CNTN3: variants seen among roughly 807,000 people sequenced by gnomAD.
The protein encoded by CNTN3 is contactin-3.
CNTN3 carries 60 observed loss-of-function variants against 119.1 expected under a neutral mutation model. The observed-to-expected ratio is 0.50, with a 90% CI of 0.41 to 0.62. The LOEUF is 0.62. Ranked by LOEUF, CNTN3 falls within the 20% of genes least tolerant of loss-of-function variation. CNTN3 has a pLI of 0.00. For synonymous variants in CNTN3, 450 were observed against 438.7 expected (o/e 1.03, Z -0.32); for missense variants, 1,101 against 1,242.4 (o/e 0.89, Z 1.71).
intron 5 of CNTN3, among the ~76,000 whole-genome samples, chr3:74,383,124 CA>C: frequency 6.6e-6 from 1 of 152,244 alleles, no homozygotes; most frequent in East Asian, 1.9e-4. Context: ...TGAAAATTAG[CA>C]AAAACATGAA....
chr3:74,515,998 C>T (rs1367335460), intron 2 of CNTN3, among the ~76,000 whole-genome samples: 4 of 151,918 alleles, frequency 2.6e-5, no homozygotes, highest in Admixed American at 6.6e-5. Flanking sequence ...TCTCTCTTAC[C>T]CACCACCAAG....
chr3:74,335,249 A>T (rs766920690), intron 12 of CNTN3, among the ~76,000 whole-genome samples: 1 of 151,626 alleles, frequency 6.6e-6, no homozygotes, highest in Non-Finnish European at 1.5e-5. Context: ...GTAGGGGTAG[A>T]AATAGAAAAT....
intron 4 of CNTN3, among the ~76,000 whole-genome samples, chr3:74,467,725 A>C (rs1327267987): frequency 6.6e-6 from 1 of 152,086 alleles, no homozygotes; most frequent in Non-Finnish European, 1.5e-5. Flanking sequence ...TGCTACCTTC[A>C]CCAGGCAACC....
intron 13 of CNTN3, among the ~76,000 whole-genome samples, chr3:74,322,881 AG>A (rs1367429893): frequency 1.3e-5 from 2 of 152,344 alleles, no homozygotes; most frequent in East Asian, 3.9e-4. Flanking sequence ...TAAGTGAAAG[AG>A]GCCCATTTGA....
intron 1 of CNTN3, among the ~76,000 whole-genome samples, chr3:74,609,384 C>G (rs979047280): frequency 1.3e-5 from 2 of 152,144 alleles, no homozygotes; most frequent in African/African-American, 4.8e-5. Flanking sequence ...GTACTTAAAA[C>G]CCAGCCTGGC....
intron 5 of CNTN3, among the ~76,000 whole-genome samples, chr3:74,413,829 A>G (rs1701476607): frequency 6.6e-6 from 1 of 152,200 alleles, no homozygotes; most frequent in South Asian, 2.1e-4. Context: ...GTTTTAAATA[A>G]AAGCCGAATC....
chr3:74,427,871 A>T (rs1294769580), intron 4 of CNTN3, among the ~76,000 whole-genome samples: 2 of 152,066 alleles, frequency 1.3e-5, no homozygotes, highest in African/African-American at 4.8e-5. Flanking sequence ...CAGAATGCTA[A>T]TGAAAAAGAA....
Position 74,436,176 on chromosome 3 carries a change from T to C in CNTN3, c.359-11236A>G, listed in dbSNP as rs968046257. ...ATTTCTGATTCTAACTCTTTGCTTA[T>C]GCTCTATCCTTCCCCTTTCAACTTA... On this transcript the variant is annotated intron_variant, in intron 4 of 22. Transcript: ENST00000263665. Among the ~76,000 whole-genome samples, 4 of 152,262 alleles carry C rather than the reference T, an allele frequency of 2.6e-5. No homozygotes were observed. In the East Asian group the frequency reaches 7.7e-4, roughly 29 times the overall value.
Position 74,440,760 on chromosome 3 carries a change from G to A in CNTN3, c.359-15820C>T, listed in dbSNP as rs575405071. ...GGTGGTTTGCTGCCCCTATCAACCC[G>A]TCATCTAGGTTTTAAGCCTCATATG... On this transcript the variant is annotated intron_variant, in intron 4 of 22. Coordinates refer to ENST00000263665, the MANE Select transcript of CNTN3 (RefSeq NM_020872.3). 3.5e-4 allele frequency among the ~76,000 whole-genome samples: 53 copies of A among 152,106 alleles called. 1 individual carries two copies. Among genetic ancestry groups the A allele is most frequent in the South Asian group, 1.9e-3 (9 of 4,814 alleles).
In CNTN3 at chr3:74,263,894, A is replaced by G. The variant is rs1292292411; in HGVS notation, c.*507T>C. On this transcript the variant is annotated 3_prime_UTR_variant, in exon 23 of 23. Coordinates refer to ENST00000263665, the MANE Select transcript of CNTN3 (RefSeq NM_020872.3). ...CTAAGCCCCACAGTAGCATTTTCCA[A>G]CAATGCTCTTTTGAATCACATGCCA... 6.6e-6 allele frequency: 1 copy of G among 152,118 alleles called. No individual in the cohort carries two copies. Among genetic ancestry groups the G allele is most frequent in the African/African-American group, 2.4e-5 (1 of 41,444 alleles). The allele number at this position is 152,118 out of a possible 1,614,324, so 9.4% of individuals were successfully genotyped here. A position where few individuals can be genotyped will look rare whatever the true frequency, so the allele number is the denominator to read the frequency against.
At chr3:74,339,580 G>T (rs1703480600) in intron 11 of CNTN3, among the ~76,000 whole-genome samples, 1 of 151,892 alleles carries the variant, frequency 6.6e-6, no homozygotes, top group Admixed American at 6.6e-5. Context: ...TTACATATTT[G>T]TGTTCTTATT....
chr3:74,335,074 T>G (rs538839074), intron 12 of CNTN3, among the ~76,000 whole-genome samples, 164 bp from the exon 13 acceptor site: 36 of 152,298 alleles, frequency 2.4e-4, no homozygotes, highest in Non-Finnish European at 5.0e-4. Context: ...AAAAGAGGCA[T>G]TTTGATGCAG....
At chr3:74,494,748 G>A (rs1703029301) in intron 3 of CNTN3, among the ~76,000 whole-genome samples, 1 of 151,920 alleles carries the variant, frequency 6.6e-6, no homozygotes, top group South Asian at 2.1e-4. Context: ...CCACTAATTA[G>A]GCATTCACTA....
chr3:74,465,679 CTCTA>C (rs1702448753), intron 4 of CNTN3, among the ~76,000 whole-genome samples: 1 of 152,340 alleles, frequency 6.6e-6, no homozygotes, highest in East Asian at 1.9e-4. Flanking sequence ...GCATCCACCC[CTCTA>C]TCTGACAACA....
At chr3:74,285,130 G>A (rs1702084924) in intron 20 of CNTN3, among the ~76,000 whole-genome samples, 175 bp downstream of exon 20, 1 of 152,116 alleles carries the variant, frequency 6.6e-6, no homozygotes, top group Non-Finnish European at 1.5e-5. Flanking sequence ...AAGATTTAGG[G>A]ATATCATGAG....
chr3:74,288,764 T>G (rs938420983), intron 19 of CNTN3, among the ~76,000 whole-genome samples: 6 of 152,160 alleles, frequency 3.9e-5, no homozygotes, highest in African/African-American at 1.4e-4. Context: ...CGTGGGAGCT[T>G]TCATTCCTCA....
chr3:74,526,707 C>T (rs904893891), intron 1 of CNTN3, among the ~76,000 whole-genome samples: 1 of 151,800 alleles, frequency 6.6e-6, no homozygotes, highest in African/African-American at 2.4e-5. Flanking sequence ...CCTTCCATAC[C>T]CACAGTTCTG....
intron 3 of CNTN3, among the ~76,000 whole-genome samples, chr3:74,495,909 C>A (rs975136744): frequency 2.0e-5 from 3 of 151,928 alleles, no homozygotes; most frequent in African/African-American, 7.3e-5. Context: ...TGTTTACTTC[C>A]TTGTGAAGAG....
chr3:74,453,578 T>C (rs1483056873), intron 4 of CNTN3, among the ~76,000 whole-genome samples: 1 of 151,922 alleles, frequency 6.6e-6, no homozygotes, highest in Non-Finnish European at 1.5e-5. Flanking sequence ...TGTTTGCTCT[T>C]GCTTTTCTAG....
Sources: allele counts gnomAD v4.1 joint callset (sites outside exome capture counted in the v4.1 genomes callset), GRCh38; gene constraint gnomAD v4.1.1; transcripts MANE v1.5; gene names NCBI Gene and HGNC (gene_info 2026-07-23, HGNC 2026-07-21).